Variants in VPS13A observed in about 807,000 individuals in gnomAD.
VPS13A encodes the protein vacuolar protein sorting 13 homolog A.
VPS13A carries 264 observed loss-of-function variants against 390.9 expected under a neutral mutation model. The ratio of observed to expected loss-of-function variants is 0.68; its 90% CI spans 0.61 to 0.75. The LOEUF is 0.75. VPS13A is among the 30% of genes least tolerant of loss of function. The pLI is 0.00. For synonymous variants in VPS13A, 1,231 were observed against 1,227.1 expected (o/e 1.00, Z -0.07); for missense variants, 3,409 against 3,733.9 (o/e 0.91, Z 2.27).
At chr9:77,263,791 T>G (rs1825884702) in intron 23 of VPS13A, among the ~76,000 whole-genome samples, 1 of 152,256 alleles carries the variant, frequency 6.6e-6, no homozygotes, top group South Asian at 2.1e-4. Flanking sequence ...TGCCATTGCT[T>G]TTGGTGTTTT....
intron 45 of VPS13A, among the ~76,000 whole-genome samples, chr9:77,326,952 A>T (rs1028422509): frequency 6.6e-6 from 1 of 152,088 alleles, no homozygotes; most frequent in Non-Finnish European, 1.5e-5. Context: ...TTGCCTCTCC[A>T]TGCAGGTCTC....
chr9:77,229,440 C>T (rs1397738327), intron 17 of VPS13A, among the ~76,000 whole-genome samples: 2 of 152,184 alleles, frequency 1.3e-5, no homozygotes, highest in African/African-American at 4.8e-5. Flanking sequence ...CCAAGTGCCC[C>T]CTTACCCAGC....
chr9:77,373,247 T>A (rs1213378490), intron 67 of VPS13A, among the ~76,000 whole-genome samples: 1 of 149,110 alleles, frequency 6.7e-6, no homozygotes, highest in Non-Finnish European at 1.5e-5. Flanking sequence ...ACTACAAGGC[T>A]ACAGTAACCA....
intron 22 of VPS13A, among the ~76,000 whole-genome samples, chr9:77,252,757 C>T (rs2131273313): frequency 6.6e-6 from 1 of 152,232 alleles, no homozygotes; most frequent in Middle Eastern, 3.4e-3. Context: ...ATTTTGTGTG[C>T]CTGGGTTTCT....
At chr9:77,293,613 G>T in intron 32 of VPS13A, 105 bp downstream of exon 32, 1 of 642,784 alleles carries the variant, frequency 1.6e-6, no homozygotes, top group Non-Finnish European at 2.3e-6. Flanking sequence ...GATTTTTTCT[G>T]ATTTTTTAAA....
At chr9:77,266,347 T>C (rs570210465) in intron 23 of VPS13A, among the ~76,000 whole-genome samples, 2 of 152,338 alleles carry the variant, frequency 1.3e-5, no homozygotes, top group African/African-American at 4.8e-5. Flanking sequence ...CTGAATATCC[T>C]TGTTAGTTTT....
At chr9:77,249,720 T>G (rs1312725144) in intron 20 of VPS13A, among the ~76,000 whole-genome samples, 2 of 152,220 alleles carry the variant, frequency 1.3e-5, no homozygotes, top group Non-Finnish European at 2.9e-5. Context: ...TTACTTCTTA[T>G]TGTACAGCCA....
intron 22 of VPS13A, among the ~76,000 whole-genome samples, chr9:77,256,808 A>G (rs1015640598): frequency 6.6e-6 from 1 of 151,652 alleles, no homozygotes; most frequent in Non-Finnish European, 1.5e-5. Flanking sequence ...TGTTACAGGC[A>G]TCCCTGCTCT....
In VPS13A at chr9:77,389,190, G is replaced by A. The variant is rs372024540; in HGVS notation, c.9189+7103G>A. Among the ~76,000 whole-genome samples the A allele has an allele frequency of 1.3e-4, 19 of 151,790 alleles. 1 individual carries two copies. The highest frequency in any genetic ancestry group is 8.3e-4 in the South Asian group (4 of 4,812). ...AAATTGCCATTTTATGTTTTACTAC[G>A]TATTTTTATAAGCAGCATTATTAAC... On this transcript the variant is annotated intron_variant, in intron 68 of 71. Transcript: ENST00000360280.
intron 29 of VPS13A, among the ~76,000 whole-genome samples, chr9:77,283,078 A>G (rs987701578): frequency 6.6e-6 from 1 of 152,212 alleles, no homozygotes; most frequent in Non-Finnish European, 1.5e-5. Context: ...TTGGTTCTCA[A>G]AAAATTTTGA....
At chr9:77,405,841 T>A (rs761530406) in intron 69 of VPS13A, 23 bp from the exon 70 acceptor site, 1 of 1,611,554 alleles carries the variant, frequency 6.2e-7, no homozygotes, top group East Asian at 2.2e-5. Context: ...AAGCGAATTC[T>A]TTTTTTGTTT....
In VPS13A at chr9:77,417,111, A is replaced by G. The variant is rs1835193278; in HGVS notation, c.*1105A>G. 1 of 152,144 alleles carries G rather than the reference A, an allele frequency of 6.6e-6. No homozygotes were observed. The highest frequency in any genetic ancestry group is 2.1e-4 in the South Asian group (1 of 4,826). 9.4% of individuals were successfully genotyped at this position (152,144 alleles called of 1,614,324 possible). ...CTTGGTTTTTGTCCAAGATCTTTGC[A>G]CCTTAATATTAATGGACTGTTTCAG... On this transcript the variant is annotated 3_prime_UTR_variant, in exon 72 of 72. Coordinates refer to ENST00000360280, the MANE Select transcript of VPS13A (RefSeq NM_033305.3).
chr9:77,304,049 G>A (rs183479949), intron 34 of VPS13A, among the ~76,000 whole-genome samples: 1 of 152,102 alleles, frequency 6.6e-6, no homozygotes, highest in Non-Finnish European at 1.5e-5. Context: ...ATCCCACGAG[G>A]CCATATTTCA....
Position 77,357,136 on chromosome 9 carries a change from A to G in VPS13A, c.7806+269A>G, listed in dbSNP as rs11145398. ...GGAGTTCGAGACCAGCCTGGCCAAC[A>G]TGGCAAACCCTGTCTCTGCTAAAAA... On this transcript the variant is annotated intron_variant, in intron 55 of 71. Transcript: ENST00000360280. Among the ~76,000 whole-genome samples, 30,521 of 151,640 alleles carry G rather than the reference A, an allele frequency of 0.2. 3,293 individuals carry two copies. The highest frequency in any genetic ancestry group is 0.26 in the Middle Eastern group (75 of 294).
chr9:77,308,283 G>T (rs981961261), intron 35 of VPS13A, among the ~76,000 whole-genome samples, 185 bp downstream of exon 35: 2 of 151,342 alleles, frequency 1.3e-5, no homozygotes, highest in Admixed American at 6.6e-5. Context: ...TTTCTAATCA[G>T]CTAATTCCAT....
chr9:77,408,468 G>A (rs940473188), intron 71 of VPS13A, among the ~76,000 whole-genome samples: 37 of 152,344 alleles, frequency 2.4e-4, no homozygotes, highest in African/African-American at 6.0e-4. Context: ...GCAGCGCACC[G>A]AGCGTGAGCC....
At chr9:77,391,268 G>A (rs1024513228) in intron 68 of VPS13A, among the ~76,000 whole-genome samples, 1 of 152,166 alleles carries the variant, frequency 6.6e-6, no homozygotes, top group Admixed American at 6.5e-5. Flanking sequence ...AAATATTTGT[G>A]TGTGTGTACG....
intron 24 of VPS13A, among the ~76,000 whole-genome samples, chr9:77,273,657 GT>G (rs1023360674): frequency 6.6e-6 from 1 of 152,126 alleles, no homozygotes; most frequent in Non-Finnish European, 1.5e-5. Context: ...AGGAAAAGAG[GT>G]TTTGGGCTTC....
At chr9:77,235,171 A>G (rs947623589) in intron 17 of VPS13A, among the ~76,000 whole-genome samples, 19 of 152,196 alleles carry the variant, frequency 1.2e-4, no homozygotes, top group African/African-American at 4.3e-4. Context: ...GCAAATTACT[A>G]TCTAATATCC....
Sources: gnomAD v4.1 joint callset for allele counts (sites outside exome capture counted in the v4.1 genomes callset) on GRCh38, gnomAD v4.1.1 for gene constraint, MANE v1.5 for transcripts, NCBI Gene and HGNC (gene_info 2026-07-23, HGNC 2026-07-21) for gene names.